Variants in IL1RAPL1 observed in about 807,000 individuals in gnomAD.
IL1RAPL1 encodes the protein interleukin-1 receptor accessory protein-like 1.
IL1RAPL1 carries 3 observed loss-of-function variants against 48.4 expected under a neutral mutation model. That is an observed-to-expected ratio of 0.06 (90% CI 0.03 to 0.16). The LOEUF (loss-of-function observed/expected upper bound fraction) is 0.16. IL1RAPL1 is among the 10% of genes least tolerant of loss of function. The probability of loss-of-function intolerance (pLI) is 1.00; values close to 1 mark genes in which losing one functional copy is unlikely to be tolerated. For missense variants in IL1RAPL1, 349 were observed against 530.6 expected (o/e 0.66, Z 3.36); for synonymous variants, 185 against 187.7 (o/e 0.99, Z 0.12).
chrX:29,039,747 A>G (rs1257179483), intron 2 of IL1RAPL1, among the ~76,000 whole-genome samples: 1 of 102,537 alleles, frequency 9.8e-6, no homozygotes, highest in Non-Finnish European at 2.0e-5. Context: ...ATCTTGAACT[A>G]TAATAGATTT....
At chrX:29,538,323 T>TTTTTC (rs1181056373) in intron 5 of IL1RAPL1, among the ~76,000 whole-genome samples, 1 of 96,787 alleles carries the variant, frequency 1.0e-5, no homozygotes, top group African/African-American at 3.9e-5. Context: ...ATCTTAAAGG[T>TTTTTC]TTTTCTTTTC....
At chrX:28,992,503 A>AAAAG (rs1569215054) in intron 2 of IL1RAPL1, among the ~76,000 whole-genome samples, 84 of 97,041 alleles carry the variant, frequency 8.7e-4, no homozygotes, top group Middle Eastern at 0.01. Flanking sequence ...AAAAAAAAAG[A>AAAAG]AAAAAAAAAA....
chrX:29,818,180 T>A (rs1048936975), intron 6 of IL1RAPL1, among the ~76,000 whole-genome samples: 1 of 111,922 alleles, frequency 8.9e-6, no homozygotes, highest in Admixed American at 9.5e-5. Context: ...AAGAAATGAA[T>A]GTTGGTTGGG....
chrX:29,783,092 G>C (rs1255276518), intron 6 of IL1RAPL1, among the ~76,000 whole-genome samples: 3 of 107,008 alleles, frequency 2.8e-5, no homozygotes, highest in African/African-American at 1.0e-4. Flanking sequence ...TTTTAGTAGA[G>C]ATGGGGTTTC....
intron 1 of IL1RAPL1, among the ~76,000 whole-genome samples, chrX:28,691,273 G>A (rs1219062965): frequency 9.0e-6 from 1 of 110,709 alleles, no homozygotes; most frequent in African/African-American, 3.3e-5. Flanking sequence ...ATAACCTCGG[G>A]CTTTTAAATA....
chrX:29,406,208 T>C (rs968959806), intron 5 of IL1RAPL1, among the ~76,000 whole-genome samples: 4 of 111,044 alleles, frequency 3.6e-5, no homozygotes, highest in South Asian at 7.6e-4. Flanking sequence ...GCTAACATGG[T>C]GGAACCCTGT....
chrX:28,989,686 A>T (rs192743156), intron 2 of IL1RAPL1, among the ~76,000 whole-genome samples: 2 of 112,411 alleles, frequency 1.8e-5, no homozygotes, highest in East Asian at 5.6e-4. Context: ...AACACAACTA[A>T]CATCACTTCT....
At chrX:28,838,204 G>A (rs764621181) in intron 2 of IL1RAPL1, among the ~76,000 whole-genome samples, 10 of 111,110 alleles carry the variant, frequency 9.0e-5, no homozygotes, top group Non-Finnish European at 1.7e-4. Flanking sequence ...AATCCATCCC[G>A]TCTAAACCCC....
chrX:28,995,857 G>T (rs1300647911), intron 2 of IL1RAPL1, among the ~76,000 whole-genome samples: 1 of 109,314 alleles, frequency 9.1e-6, no homozygotes, highest in Non-Finnish European at 1.9e-5. Flanking sequence ...CTTCCTTTGC[G>T]TTAATGCAAA....
chrX:29,203,720 AAAATATATATAT>A (rs1224539280), intron 2 of IL1RAPL1, among the ~76,000 whole-genome samples: 59 of 51,644 alleles, frequency 1.1e-3, no homozygotes, highest in Non-Finnish European at 1.7e-3. Context: ...ACTCCGTCTC[AAAATATATATAT>A]ATATATATAT....
intron 2 of IL1RAPL1, among the ~76,000 whole-genome samples, chrX:29,104,004 C>T (rs1928397641): frequency 9.0e-6 from 1 of 111,679 alleles, no homozygotes. Context: ...GAAAAGGGAA[C>T]CCTTGTACAC....
intron 2 of IL1RAPL1, among the ~76,000 whole-genome samples, chrX:28,960,535 A>G (rs1924739849): frequency 1.8e-5 from 2 of 111,607 alleles, no homozygotes; most frequent in South Asian, 7.5e-4. Flanking sequence ...CTTAAGAGAA[A>G]CCTTCAAAAG....
At chrX:29,103,116 A>T (rs994787630) in intron 2 of IL1RAPL1, among the ~76,000 whole-genome samples, 1 of 112,044 alleles carries the variant, frequency 8.9e-6, no homozygotes, top group Admixed American at 9.5e-5. Context: ...AGAAATAGAA[A>T]AAGCAATCCA....
chrX:29,183,287 C>A (rs928243360), intron 2 of IL1RAPL1, among the ~76,000 whole-genome samples: 3 of 111,550 alleles, frequency 2.7e-5, no homozygotes, highest in African/African-American at 9.8e-5. Context: ...TGACTGAGTT[C>A]GCTCTGATCA....
chrX:29,145,388 G>A (rs909003658), intron 2 of IL1RAPL1, among the ~76,000 whole-genome samples: 8 of 112,002 alleles, frequency 7.1e-5, no homozygotes, highest in Admixed American at 1.9e-4. Context: ...TCTATATTTC[G>A]TCAAGTAATA....
At chrX:28,614,188 T>A (rs1036387108) in intron 1 of IL1RAPL1, among the ~76,000 whole-genome samples, 5 of 111,574 alleles carry the variant, frequency 4.5e-5, no homozygotes, top group Non-Finnish European at 9.4e-5. Flanking sequence ...CTTGTTTTTT[T>A]ATGTTTTCTT....
chrX:29,636,115 A>G (rs777670774), intron 5 of IL1RAPL1, among the ~76,000 whole-genome samples: 6 of 112,021 alleles, frequency 5.4e-5, no homozygotes, highest in Non-Finnish European at 9.4e-5. Context: ...GGTAAATGAC[A>G]GAGTGAAAAA....
In IL1RAPL1 at chrX:28,863,335, TA is replaced by T. The variant is rs752712066; in HGVS notation, c.82+73922del. Among the ~76,000 whole-genome samples the T allele has an allele frequency of 3.7e-3, 370 of 100,261 alleles. 1 individual carries two copies. The highest frequency in any genetic ancestry group is 7.5e-3 in the African/African-American group (207 of 27,660). The allele number at this position is 100,261 out of a possible 115,157, so 87.1% of individuals were successfully genotyped here. Reference sequence around the variant, plus strand: ...TGAAAGCAGTAATAGACAATATGTTTAAAAAAAAAAAATGAGTGTGGTTGTG... The same window carrying T: ...TGAAAGCAGTAATAGACAATATGTTTAAAAAAAAAAATGAGTGTGGTTGTG... On this transcript the variant is annotated intron_variant, in intron 2 of 10. Coordinates refer to ENST00000378993, the MANE Select transcript of IL1RAPL1 (RefSeq NM_014271.4).
At chrX:28,670,103 C>T (rs1455493500) in intron 1 of IL1RAPL1, among the ~76,000 whole-genome samples, 1 of 111,376 alleles carries the variant, frequency 9.0e-6, no homozygotes, top group Non-Finnish European at 1.9e-5. Flanking sequence ...GAGGACTTTC[C>T]CAAGAAACAG....
Sources: allele counts gnomAD v4.1 joint callset (sites outside exome capture counted in the v4.1 genomes callset), GRCh38; gene constraint gnomAD v4.1.1; transcripts MANE v1.5; gene names NCBI Gene and HGNC (gene_info 2026-07-23, HGNC 2026-07-21).